The following POLK variants were observed in gnomAD, a reference collection of about 807,000 sequenced individuals.
POLK encodes polymerase (DNA directed) kappa.
In POLK, 76 loss-of-function variants were observed where a neutral mutation model predicts 94.0. That is an observed-to-expected ratio of 0.81 (90% CI 0.67 to 0.98). The LOEUF is 0.98. Ranked by LOEUF, POLK falls within the 50% of genes least tolerant of loss-of-function variation. The pLI is 0.00. For synonymous variants in POLK, 349 were observed against 325.4 expected (o/e 1.07, Z -0.78); for missense variants, 954 against 1,010.1 (o/e 0.94, Z 0.75).
At chr5:75,541,495 C>T (rs1041915230) in intron 1 of POLK, among the ~76,000 whole-genome samples, 1 of 152,084 alleles carries the variant, frequency 6.6e-6, no homozygotes, top group African/African-American at 2.4e-5. Flanking sequence ...TTCCCTCTGT[C>T]CCATTCTTCT....
chr5:75,540,544 C>G (rs1401548772), intron 1 of POLK, among the ~76,000 whole-genome samples: 1 of 152,130 alleles, frequency 6.6e-6, no homozygotes, highest in Non-Finnish European at 1.5e-5. Flanking sequence ...AATGATCCTT[C>G]CATCTTGGCC....
chr5:75,586,419 A>G (rs1772473821), intron 9 of POLK, among the ~76,000 whole-genome samples: 2 of 152,282 alleles, frequency 1.3e-5, no homozygotes, highest in South Asian at 4.1e-4. Flanking sequence ...CTTGAATCAT[A>G]ATAGGTTCAC....
intron 1 of POLK, among the ~76,000 whole-genome samples, chr5:75,535,327 G>A (rs1048496917): frequency 3.9e-5 from 6 of 152,122 alleles, no homozygotes; most frequent in Non-Finnish European, 5.9e-5. Context: ...AAGTCTGCTT[G>A]TTAGCCTAAT....
intron 1 of POLK, among the ~76,000 whole-genome samples, chr5:75,542,589 G>A (rs2112615265): frequency 6.7e-6 from 1 of 149,944 alleles, no homozygotes; most frequent in African/African-American, 2.4e-5. Flanking sequence ...GTATATATAT[G>A]TGTGTGTGTG....
chr5:75,590,592 C>T, intron 11 of POLK, 152 bp downstream of exon 11: 1 of 589,522 alleles, frequency 1.7e-6, no homozygotes, highest in Admixed American at 2.8e-5. Flanking sequence ...CAGTCAGATA[C>T]AAATCCAATT....
exon 15 of POLK, chr5:75,599,227 G>A (rs1773232694): frequency 6.6e-6 from 1 of 152,114 alleles, no homozygotes; most frequent in Admixed American, 6.6e-5. Context: ...ACTCCAGCCT[G>A]AAGAGCGAGA....
chr5:75,526,192 G>A (rs1768832581), intron 1 of POLK, among the ~76,000 whole-genome samples: 1 of 151,950 alleles, frequency 6.6e-6, no homozygotes, highest in South Asian at 2.1e-4. Context: ...GAGGTTGGCT[G>A]TATCTTGAAA....
chr5:75,605,198 A>T (rs149167790), downstream of POLK, among the ~76,000 whole-genome samples: 16 of 151,030 alleles, frequency 1.1e-4, no homozygotes, highest in South Asian at 2.9e-3. Flanking sequence ...AGTTCTGTCT[A>T]CTCTTGTAGG....
chr5:75,573,814 C>T (rs1388783713), exon 5 of POLK: 1 of 1,613,366 alleles, frequency 6.2e-7, no homozygotes, highest in Non-Finnish European at 8.5e-7. Context: ...AGGCTGTGCC[C>T]ACAACTTATA....
At chr5:75,600,489 T>G (rs530355747) in exon 15 of POLK, 61 of 152,328 alleles carry the variant, frequency 4.0e-4, no homozygotes, top group African/African-American at 1.4e-3. Flanking sequence ...TTTTTCCCTG[T>G]CAGGACCCTA....
intron 1 of POLK, among the ~76,000 whole-genome samples, chr5:75,513,214 T>G (rs993268135): frequency 3.3e-5 from 5 of 152,246 alleles, no homozygotes; most frequent in Non-Finnish European, 5.9e-5. Flanking sequence ...TTCTTCTTTT[T>G]CTGACCATCC....
intron 3 of POLK, among the ~76,000 whole-genome samples, chr5:75,560,978 G>A (rs1249222240): frequency 6.6e-6 from 1 of 152,144 alleles, no homozygotes; most frequent in Admixed American, 6.5e-5. Context: ...AAACATACAT[G>A]TACATGTGTC....
chr5:75,550,454 C>T (rs1770280110), intron 2 of POLK, among the ~76,000 whole-genome samples: 1 of 152,106 alleles, frequency 6.6e-6, no homozygotes, highest in Non-Finnish European at 1.5e-5. Flanking sequence ...TGGCATATGC[C>T]TGTAGTCCCA....
chr5:75,547,077 A>T, exon 2 of POLK: 1 of 1,515,690 alleles, frequency 6.6e-7, no homozygotes, highest in Non-Finnish European at 9.1e-7. Context: ...TCTGCTTAGG[A>T]TGGGACTTAA....
At chr5:75,597,298 A>T (rs1297414367) in intron 13 of POLK, 120 bp downstream of exon 13, 3 of 638,938 alleles carry the variant, frequency 4.7e-6, no homozygotes, top group Non-Finnish European at 8.2e-6. Flanking sequence ...GTATGCCGCC[A>T]TTTAGGGAAA....
chr5:75,568,081 C>A (rs1304469621), intron 3 of POLK, among the ~76,000 whole-genome samples: 2 of 152,194 alleles, frequency 1.3e-5, no homozygotes, highest in African/African-American at 4.8e-5. Context: ...GCCACATATA[C>A]ACCTATAGCT....
chr5:75,573,060 A>G (rs1469822088), intron 4 of POLK, among the ~76,000 whole-genome samples: 1 of 152,196 alleles, frequency 6.6e-6, no homozygotes, highest in Non-Finnish European at 1.5e-5. Flanking sequence ...AGACACATGC[A>G]CACATATGTT....
At chr5:75,516,063 T>A (rs990101579) in intron 1 of POLK, among the ~76,000 whole-genome samples, 1 of 152,232 alleles carries the variant, frequency 6.6e-6, no homozygotes, top group Non-Finnish European at 1.5e-5. Flanking sequence ...TTGCCCATTT[T>A]TAAATAAGAT....
chr5:75,591,306 T>G (rs534758549), intron 11 of POLK, among the ~76,000 whole-genome samples: 1 of 152,204 alleles, frequency 6.6e-6, no homozygotes, highest in African/African-American at 2.4e-5. Context: ...AAAACTATTA[T>G]GCTAATCAGT....
Sources: gnomAD v4.1 joint callset for allele counts (sites outside exome capture counted in the v4.1 genomes callset) on GRCh38, gnomAD v4.1.1 for gene constraint, MANE v1.5 for transcripts, NCBI Gene and HGNC (gene_info 2026-07-23, HGNC 2026-07-21) for gene names.